Variants in GRIK2 observed in about 807,000 individuals in gnomAD.
GRIK2 encodes glutamate receptor ionotropic, kainate 2.
Under a neutral mutation model 100.3 loss-of-function variants are expected in GRIK2, and 32 were observed. The ratio of observed to expected loss-of-function variants is 0.32; its 90% CI spans 0.24 to 0.43. The LOEUF (loss-of-function observed/expected upper bound fraction) is 0.43. Ranked by LOEUF, GRIK2 falls within the 20% of genes least tolerant of loss-of-function variation. The probability of loss-of-function intolerance (pLI) is 1.00; values close to 1 mark genes in which losing one functional copy is unlikely to be tolerated. For missense variants in GRIK2, 843 were observed against 1,114.9 expected, an observed-to-expected ratio of 0.76 and a Z score of 3.47; for synonymous variants, 417 against 389.4, an observed-to-expected ratio of 1.07 and a Z score of -0.83.
intron 10 of GRIK2, among the ~76,000 whole-genome samples, chr6:101,835,056 C>A (rs558660917): frequency 6.6e-6 from 1 of 151,910 alleles, no homozygotes; most frequent in Non-Finnish European, 1.5e-5. Context: ...CATTTTTTGT[C>A]CCTTAACTTG....
chr6:101,583,291 C>T (rs748812214), intron 2 of GRIK2, among the ~76,000 whole-genome samples: 3 of 152,012 alleles, frequency 2.0e-5, no homozygotes, highest in East Asian at 1.9e-4. Context: ...ACCTAAGCCA[C>T]GTTAATGAAG....
chr6:101,763,779 T>A (rs1000220677), intron 7 of GRIK2, among the ~76,000 whole-genome samples: 1 of 152,202 alleles, frequency 6.6e-6, no homozygotes, highest in Non-Finnish European at 1.5e-5. Flanking sequence ...TATAGTCACA[T>A]GGGACCTTAT....
At chr6:101,776,125 A>G (rs1778732023) in intron 7 of GRIK2, among the ~76,000 whole-genome samples, 1 of 152,176 alleles carries the variant, frequency 6.6e-6, no homozygotes, top group Admixed American at 6.5e-5. Flanking sequence ...TCGAAGAATG[A>G]GGAGGCCAGG....
intron 14 of GRIK2, among the ~76,000 whole-genome samples, chr6:101,954,091 A>C (rs1791763593): frequency 6.6e-6 from 1 of 152,154 alleles, no homozygotes; most frequent in Admixed American, 6.6e-5. Flanking sequence ...CTGAACCTTT[A>C]ATTCTTTTCA....
chr6:101,542,488 G>T (rs376514023), intron 2 of GRIK2, among the ~76,000 whole-genome samples: 1 of 152,098 alleles, frequency 6.6e-6, no homozygotes, highest in Non-Finnish European at 1.5e-5. Context: ...TAGCAAGAAG[G>T]TGTTTTGATG....
Position 101,682,565 on chromosome 6 carries a change from G to T in GRIK2, c.736G>T (p.Gly246Ter). The T allele has an allele frequency of 7.5e-7, 1 of 1,331,630 alleles. No individual in the cohort carries two copies. The highest frequency in any genetic ancestry group is 1.1e-6 in the Non-Finnish European group (1 of 931,354). The allele number at this position is 1,331,630 out of a possible 1,614,324, so 82.5% of individuals were successfully genotyped here. ...AGILKQALAM[G>*]MMTEYYHYIF... Reference sequence around the variant, plus strand: ...TTTTTTTCCTTAGGCATTAGCTATGGGAATGATGACAGAATACTATCATTA... The same window carrying T: ...TTTTTTTCCTTAGGCATTAGCTATGTGAATGATGACAGAATACTATCATTA... Residue 246 changes from glycine to a stop codon, truncating the protein, a stop_gained, in exon 6 of 17, where the codon GGA becomes TGA. Transcript: ENST00000369134. LOFTEE classifies it high-confidence loss of function.
chr6:101,507,799 T>C (rs919821790), intron 2 of GRIK2, among the ~76,000 whole-genome samples: 1 of 152,168 alleles, frequency 6.6e-6, no homozygotes, highest in Non-Finnish European at 1.5e-5. Flanking sequence ...ATCAGGATCA[T>C]GCCCCCAGAA....
chr6:101,402,234 T>C (rs556549136), intron 2 of GRIK2, among the ~76,000 whole-genome samples: 2 of 152,086 alleles, frequency 1.3e-5, no homozygotes, highest in African/African-American at 2.4e-5. Context: ...GCACACACAA[T>C]AACACACACA....
chr6:101,679,018 T>C (rs1169370644), intron 5 of GRIK2, among the ~76,000 whole-genome samples: 1 of 152,124 alleles, frequency 6.6e-6, no homozygotes, highest in Non-Finnish European at 1.5e-5. Flanking sequence ...CAGATGATTC[T>C]ACCTCCATCC....
chr6:101,557,474 G>A (rs1463018153), intron 2 of GRIK2, among the ~76,000 whole-genome samples: 1 of 152,120 alleles, frequency 6.6e-6, no homozygotes, highest in Non-Finnish European at 1.5e-5. Flanking sequence ...GAGATGTGAG[G>A]CTTATTATTT....
At chr6:102,028,415 T>G (rs535170342) in intron 14 of GRIK2, among the ~76,000 whole-genome samples, 1 of 151,440 alleles carries the variant, frequency 6.6e-6, no homozygotes, top group East Asian at 1.9e-4. Flanking sequence ...AGCCTCGGCA[T>G]TTTTATAAAA....
At chr6:101,644,078 T>C (rs1781408672) in intron 4 of GRIK2, among the ~76,000 whole-genome samples, 1 of 151,756 alleles carries the variant, frequency 6.6e-6, no homozygotes, top group South Asian at 2.1e-4. Context: ...TAAAGTAATA[T>C]CTTATCAAGC....
intron 2 of GRIK2, among the ~76,000 whole-genome samples, chr6:101,450,889 G>A (rs938033230): frequency 2.0e-5 from 3 of 151,668 alleles, no homozygotes; most frequent in Non-Finnish European, 4.4e-5. Context: ...GTTATTACTG[G>A]TGTGATATTT....
intron 13 of GRIK2, chr6:101,927,798 A>G (rs1030699015): frequency 1.3e-5 from 2 of 152,216 alleles, no homozygotes; most frequent in Non-Finnish European, 2.9e-5. Context: ...TGCTAACCAT[A>G]GTGATGGGAG....
chr6:101,636,804 C>T (rs1039982287), intron 4 of GRIK2, among the ~76,000 whole-genome samples: 1 of 151,998 alleles, frequency 6.6e-6, no homozygotes, highest in African/African-American at 2.4e-5. Flanking sequence ...TAGTCAAACA[C>T]TGCCATTTTT....
At chr6:101,629,874 C>G (rs1404785346) in intron 4 of GRIK2, among the ~76,000 whole-genome samples, 1 of 151,976 alleles carries the variant, frequency 6.6e-6, no homozygotes, top group Non-Finnish European at 1.5e-5. Context: ...TCTCCCTCCC[C>G]ACGCTTGTAG....
chr6:102,005,802 G>A, intron 14 of GRIK2, among the ~76,000 whole-genome samples: 1 of 152,134 alleles, frequency 6.6e-6, no homozygotes, highest in Middle Eastern at 3.4e-3. Context: ...TTGGGTAACT[G>A]AAACAATAGA....
chr6:101,760,727 T>A (rs1777588634), intron 7 of GRIK2, among the ~76,000 whole-genome samples: 1 of 65,280 alleles, frequency 1.5e-5, no homozygotes, highest in African/African-American at 1.4e-4. Context: ...TATATTTAAT[T>A]ATATAATTAT....
intron 15 of GRIK2, among the ~76,000 whole-genome samples, chr6:102,035,917 T>A (rs1027035094): frequency 2.0e-5 from 3 of 151,366 alleles, no homozygotes; most frequent in African/African-American, 7.3e-5. Context: ...TTTTTAAATT[T>A]GTGGCTTACA....
Sources: gnomAD v4.1 joint callset for allele counts (sites outside exome capture counted in the v4.1 genomes callset) on GRCh38, gnomAD v4.1.1 for gene constraint, MANE v1.5 for transcripts, NCBI Gene and HGNC (gene_info 2026-07-23, HGNC 2026-07-21) for gene names.